Variants in ACOX2 observed in about 807,000 individuals in gnomAD.
ACOX2 encodes the protein peroxisomal acyl-coenzyme A oxidase 2.
Under a neutral mutation model 77.5 loss-of-function variants are expected in ACOX2, and 59 were observed. That is an observed-to-expected ratio of 0.76 (90% CI 0.62 to 0.95). ACOX2 has a LOEUF of 0.95. Ranked by LOEUF, ACOX2 falls within the 40% of genes least tolerant of loss-of-function variation. The pLI is 0.00. For synonymous variants in ACOX2, 317 were observed against 340.1 expected (o/e 0.93, Z 0.75); for missense variants, 837 against 880.4 (o/e 0.95, Z 0.62).
At chr3:58,511,097 C>T in intron 13 of ACOX2, 1 of 456,326 alleles carries the variant, frequency 2.2e-6, no homozygotes, top group South Asian at 1.6e-5. Flanking sequence ...TAAGTTCCCA[C>T]CCTTGCATTT....
At position 58,532,561 on chromosome 3, in the gene ACOX2, T is replaced by A. The variant is rs571856172; in HGVS notation, c.584-749A>T. 5.9e-5 allele frequency among the ~76,000 whole-genome samples: 9 copies of A among 152,176 alleles called. No individual in the cohort carries two copies. The South Asian group carries it at 1.7e-3, about 28-fold the overall frequency. On this transcript the variant is annotated intron_variant, in intron 5 of 14. Coordinates refer to ENST00000302819, the MANE Select transcript of ACOX2 (RefSeq NM_003500.4). ...CCACCACACACGACTAATTTTTGTATTTTTAGTAGAGATGAGGTTTAATGA... is the reference window on the plus strand; with the variant it reads ...CCACCACACACGACTAATTTTTGTAATTTTAGTAGAGATGAGGTTTAATGA...
chr3:58,534,989 G>A lies in ACOX2; in HGVS notation c.118C>T (p.Leu40Phe). 6.2e-7 allele frequency: 1 copy of A among 1,614,208 alleles called. No homozygotes were observed. The highest frequency in any genetic ancestry group is 1.7e-5 in the Admixed American group (1 of 60,026). ...GCAGTGTTCTGGGCACCTCCATCAA[G>A]GATGTTGGTGAGCCGTTCCACGTCA... is the stretch of plus-strand genomic sequence containing the variant. ...SFDVERLTNILDGGAQNTALR... is the reference protein window; with the variant it reads ...SFDVERLTNIFDGGAQNTALR... Residue 40 changes from leucine (L) to phenylalanine (F), a missense_variant, in exon 2 of 15, where the codon CTT (leucine) becomes TTT (phenylalanine). Coordinates refer to ENST00000302819, the MANE Select transcript of ACOX2 (RefSeq NM_003500.4). This position sits in a 1 kb window ranked among gnomAD's most constrained non-coding sequence, Gnocchi z 4.8.
rs1463392638 is a variant in ACOX2 at position 58,524,455 on chromosome 3, G to A, written c.1497C>T (p.Tyr499=). ...RAADFLCPEL[Y]TTAWAHVAVR... ...CTGCCACATGTGCCCAGGCCGTGGT[G>A]TAGAGCTCCGGGCAGAGGAAGTCGG... Residue 499 remains tyrosine (Y), a synonymous_variant, in exon 11 of 15, where the codon TAC becomes TAT. Coordinates refer to ENST00000302819, the MANE Select transcript of ACOX2 (RefSeq NM_003500.4). The surrounding 1 kb of genome is among the most constrained non-coding windows in gnomAD (Gnocchi z 5.5). 5 of 1,614,068 alleles carry A rather than the reference G, an allele frequency of 3.1e-6. No individual in the cohort carries two copies. Among genetic ancestry groups the A allele is most frequent in the Non-Finnish European group, 4.2e-6 (5 of 1,180,034 alleles).
In ACOX2 at chr3:58,525,584, T is replaced by G. The variant is rs1246387987; in HGVS notation, c.1346+882A>C. Among the ~76,000 whole-genome samples the G allele has an allele frequency of 6.6e-6, 1 of 152,124 alleles. No individual in the cohort carries two copies. Among genetic ancestry groups the G allele is most frequent in the Non-Finnish European group, 1.5e-5 (1 of 68,020 alleles). ...TGCCCTCAGGGAGCTCCTAATCTAG[T>G]TGGAGAGTAGAGCTAAAAAGGTGAA... On this transcript the variant is annotated intron_variant, in intron 10 of 14. Coordinates refer to ENST00000302819, the MANE Select transcript of ACOX2 (RefSeq NM_003500.4). The surrounding 1 kb of genome is among the most constrained non-coding windows in gnomAD (Gnocchi z 5.0).
rs1354153115 is a variant in ACOX2 at position 58,521,744 on chromosome 3, C to G, written c.1632+752G>C. Among the ~76,000 whole-genome samples the G allele has an allele frequency of 6.6e-6, 1 of 152,208 alleles. No homozygotes were observed. The highest frequency in any genetic ancestry group is 1.5e-5 in the Non-Finnish European group (1 of 68,042). ...GCAAAAGGTCAGAGGCCTTGCCTGT[C>G]TCTCCTTCTCCCCTAGTCTCAGTCC... On this transcript the variant is annotated intron_variant, in intron 12 of 14. Coordinates refer to ENST00000302819, the MANE Select transcript of ACOX2 (RefSeq NM_003500.4). This position sits in a 1 kb window ranked among gnomAD's most constrained non-coding sequence, Gnocchi z 4.8.
chr3:58,510,179 G>C (rs143967052), intron 13 of ACOX2, among the ~76,000 whole-genome samples: 143 of 152,154 alleles, frequency 9.4e-4, no homozygotes, highest in African/African-American at 3.4e-3. Flanking sequence ...TGTCATTAAA[G>C]CATTGGTGGT....
chr3:58,529,029 A>G, intron 8 of ACOX2, 73 bp from the exon 9 acceptor site: 1 of 1,440,642 alleles, frequency 6.9e-7, no homozygotes, highest in South Asian at 1.5e-5. Flanking sequence ...CGACACCATA[A>G]AAACCTTAAA....
At chr3:58,530,431 A>T (rs763117533) in intron 8 of ACOX2, 35 bp downstream of exon 8, 2 of 1,601,948 alleles carry the variant, frequency 1.2e-6, no homozygotes, top group Admixed American at 1.7e-5. Flanking sequence ...AAGAGGCAGC[A>T]TATCTGCGGT....
At chr3:58,510,670 A>C (rs2063276076) in intron 13 of ACOX2, among the ~76,000 whole-genome samples, 1 of 7,558 alleles carries the variant, frequency 1.3e-4, no homozygotes, top group East Asian at 2.2e-3. Flanking sequence ...AAAAATATAT[A>C]TATATATATA....
intron 8 of ACOX2, among the ~76,000 whole-genome samples, chr3:58,529,679 A>C (rs942978311): frequency 3.3e-5 from 5 of 152,220 alleles, no homozygotes; most frequent in Non-Finnish European, 5.9e-5. Flanking sequence ...GAACTCTTGC[A>C]GCCCAGATTC....
In ACOX2 at chr3:58,534,480, T is replaced by C. The variant is rs1005112132; in HGVS notation, c.203A>G (p.Asn68Ser). 2.5e-6 allele frequency: 4 copies of C among 1,614,018 alleles called. No individual in the cohort carries two copies. The African/African-American group carries it at 5.3e-5, about 22-fold the overall frequency. ...HSYPEFSCKD[N>S]YFMTQNERYK... ...ACGCTCATTCTGGGTCATGAAATAA[T>C]TGTCCTTACAGCTAAACTCCGGGTA... is the stretch of plus-strand genomic sequence containing the variant. The change falls in exon 3 of 15, where the codon AAT (asparagine) becomes AGT (serine). Residue 68 changes from asparagine to serine, a missense_variant. Physicochemically the swap from Asn to Ser is conservative, Grantham distance 46. Coordinates refer to ENST00000302819, the MANE Select transcript of ACOX2 (RefSeq NM_003500.4). This position sits in a 1 kb window ranked among gnomAD's most constrained non-coding sequence, Gnocchi z 4.8.
At chr3:58,508,776 C>T (rs2063252941) in intron 14 of ACOX2, 117 bp downstream of exon 14, 6 of 1,339,496 alleles carry the variant, frequency 4.5e-6, no homozygotes, top group Non-Finnish European at 6.1e-6. Flanking sequence ...AACAGACGTG[C>T]TACGCCAAGT....
At position 58,534,569 on chromosome 3, in the gene ACOX2, C is replaced by T; in HGVS notation, c.161-47G>A. 6.2e-7 allele frequency: 1 copy of T among 1,613,916 alleles called. No homozygotes were observed. The highest frequency in any genetic ancestry group is 1.1e-5 in the South Asian group (1 of 91,048). ...GGGCTTAGGGACCTGGGTGAGGTTTCTGGCACCTTGAAATCTTCTCACCCA... is the reference window on the plus strand; with the variant it reads ...GGGCTTAGGGACCTGGGTGAGGTTTTTGGCACCTTGAAATCTTCTCACCCA... On this transcript the variant is annotated intron_variant, in intron 2 of 14. Transcript: ENST00000302819. This position sits in a 1 kb window ranked among gnomAD's most constrained non-coding sequence, Gnocchi z 4.8.
intron 14 of ACOX2, among the ~76,000 whole-genome samples, chr3:58,506,218 T>C (rs2063232808): frequency 6.6e-6 from 1 of 152,218 alleles, no homozygotes. Flanking sequence ...TTAATGCATC[T>C]AACTCCTACT....
chr3:58,536,622 G>C (rs1356737427), intron 1 of ACOX2, among the ~76,000 whole-genome samples: 2 of 152,264 alleles, frequency 1.3e-5, no homozygotes, highest in East Asian at 3.9e-4. Flanking sequence ...TTGCTCTGCT[G>C]CCACTGCCTC....
intron 14 of ACOX2, 147 bp downstream of exon 14, chr3:58,508,746 T>C: frequency 3.7e-6 from 4 of 1,080,014 alleles, no homozygotes; most frequent in Non-Finnish European, 5.1e-6. Context: ...TTCTTTTATG[T>C]GTTCTCTAAG....
Position 58,519,102 on chromosome 3 carries a change from C to T in ACOX2, c.1633-1679G>A, listed in dbSNP as rs948143195. ...CAAGACTTAGAGTGTCTTGGGGGTT[C>T]GGCTGGGCGCGGTGGCTCACACCTA... On this transcript the variant is annotated intron_variant, in intron 12 of 14. Coordinates refer to ENST00000302819, the MANE Select transcript of ACOX2 (RefSeq NM_003500.4). This position sits in a 1 kb window ranked among gnomAD's most constrained non-coding sequence, Gnocchi z 5.0. Among the ~76,000 whole-genome samples, 9 of 151,814 alleles carry T rather than the reference C, an allele frequency of 5.9e-5. No homozygotes were observed. The highest frequency in any genetic ancestry group is 4.2e-4 in the South Asian group (2 of 4,776).
chr3:58,507,930 T>G (rs759546823), intron 14 of ACOX2, among the ~76,000 whole-genome samples: 1 of 152,190 alleles, frequency 6.6e-6, no homozygotes, highest in Non-Finnish European at 1.5e-5. Context: ...AGTTGCCAAT[T>G]TGATGTGGTG....
rs1160835342 is a variant in ACOX2, at chr3:58,531,835, C to T, written c.584-23G>A. 1 of 1,606,890 alleles carries T rather than the reference C, an allele frequency of 6.2e-7. No individual in the cohort carries two copies. Among genetic ancestry groups the T allele is most frequent in the South Asian group, 1.1e-5 (1 of 90,066 alleles). ...CCACTGAGGGCAGAGAGAGTAGCGGCCCGTCACAGGAAGACCTGTGCATTG... is the reference window on the plus strand; with the variant it reads ...CCACTGAGGGCAGAGAGAGTAGCGGTCCGTCACAGGAAGACCTGTGCATTG... On this transcript the variant is annotated intron_variant, in intron 5 of 14. Coordinates refer to ENST00000302819, the MANE Select transcript of ACOX2 (RefSeq NM_003500.4). The surrounding 1 kb of genome is among the most constrained non-coding windows in gnomAD (Gnocchi z 5.8).
Sources: gnomAD v4.1 joint callset for allele counts (sites outside exome capture counted in the v4.1 genomes callset) on GRCh38, gnomAD v4.1.1 for gene constraint, Gnocchi (gnomAD v3.1) non-coding constraint, MANE v1.5 for transcripts, NCBI Gene and HGNC (gene_info 2026-07-23, HGNC 2026-07-21) for gene names.